KCNN2: variants seen among roughly 807,000 people sequenced by gnomAD.
KCNN2 encodes the protein potassium calcium-activated channel subfamily N member 2, also known as small conductance calcium-activated potassium channel protein 2.
KCNN2 carries 24 observed loss-of-function variants against 55.5 expected under a neutral mutation model. The ratio of observed to expected loss-of-function variants is 0.43; its 90% CI spans 0.31 to 0.61. KCNN2 has a LOEUF of 0.61. Among genes scored for constraint, KCNN2 ranks in the 20% least tolerant of loss-of-function variants. The pLI is 0.08. For missense variants in KCNN2, 754 were observed against 853.6 expected (o/e 0.88, Z 1.45); for synonymous variants, 431 against 336.1 (o/e 1.28, Z -3.09).
intron 2 of KCNN2, among the ~76,000 whole-genome samples, chr5:114,393,196 A>G (rs1277528279): frequency 6.6e-6 from 1 of 152,188 alleles, no homozygotes; most frequent in African/African-American, 2.4e-5. Context: ...AGAACCTTAC[A>G]AATAGAAGCA....
At chr5:114,281,993 A>G (rs972514802) in intron 2 of KCNN2, among the ~76,000 whole-genome samples, 1 of 151,940 alleles carries the variant, frequency 6.6e-6, no homozygotes, top group African/African-American at 2.4e-5. Flanking sequence ...TATAATTTTC[A>G]TTCTCATTTT....
chr5:114,317,625 T>A (rs755137058), intron 2 of KCNN2, among the ~76,000 whole-genome samples: 7 of 152,198 alleles, frequency 4.6e-5, no homozygotes, highest in Non-Finnish European at 7.3e-5. Flanking sequence ...CTCATGGTGG[T>A]GTTGACCATT....
intron 3 of KCNN2, among the ~76,000 whole-genome samples, chr5:114,425,755 C>T (rs1206880604): frequency 1.3e-5 from 2 of 152,146 alleles, no homozygotes; most frequent in East Asian, 3.9e-4. Flanking sequence ...TCCAAGTCAC[C>T]ACCATTCTCA....
chr5:114,496,042 C>T lies in KCNN2; in HGVS notation c.2236C>T (p.Gln746Ter). Residue 746 changes from glutamine to a stop codon, truncating the protein, a stop_gained, in exon 8 of 8, where the codon CAG (glutamine) becomes TAG (stop). Coordinates refer to ENST00000673685, the MANE Select transcript of KCNN2 (RefSeq NM_021614.4). LOFTEE classifies it high-confidence loss of function. ...LPGLISQTIR[Q>*]QQRDFIEAQM... ...TGGGCTCATAAGCCAGACCATCAGGCAGCAGCAGAGAGATTTCATTGAGGC... is the reference window on the plus strand; with the variant it reads ...TGGGCTCATAAGCCAGACCATCAGGTAGCAGCAGAGAGATTTCATTGAGGC... The T allele has an allele frequency of 6.2e-7, 1 of 1,614,080 alleles. No individual in the cohort carries two copies. Among genetic ancestry groups the T allele is most frequent in the East Asian group, 2.2e-5 (1 of 44,852 alleles).
chr5:114,437,232 A>G (rs1401014322), intron 3 of KCNN2, among the ~76,000 whole-genome samples: 1 of 152,222 alleles, frequency 6.6e-6, no homozygotes, highest in Admixed American at 6.5e-5. Flanking sequence ...TTTGGTACAC[A>G]GAATTAAATG....
chr5:114,072,676 G>A (rs2632141), intron 1 of KCNN2, among the ~76,000 whole-genome samples: 6,417 of 152,216 alleles, frequency 0.042, 450 homozygotes, highest in African/African-American at 0.15. Context: ...AATGCACAGT[G>A]ATAAAGCACA....
intron 2 of KCNN2, among the ~76,000 whole-genome samples, chr5:114,281,691 C>T (rs913741382): frequency 1.6e-4 from 16 of 100,628 alleles, no homozygotes; most frequent in Non-Finnish European, 3.2e-4. Context: ...TCAGATTTTG[C>T]AGCAAAGGTA....
At chr5:114,410,038 A>C (rs1378736160) in intron 3 of KCNN2, among the ~76,000 whole-genome samples, 1 of 152,198 alleles carries the variant, frequency 6.6e-6, no homozygotes, top group Non-Finnish European at 1.5e-5. Flanking sequence ...GGTAGGCATC[A>C]GTTCTAGGAA....
rs955620139 is a variant in KCNN2, at chr5:114,130,244, A to C, written c.-271+73744A>C. 2.6e-4 allele frequency among the ~76,000 whole-genome samples: 40 copies of C among 152,200 alleles called. 2 individuals carry two copies. The highest frequency in any genetic ancestry group is 9.4e-4 in the African/African-American group (39 of 41,522). On this transcript the variant is annotated intron_variant, in intron 1 of 10. Coordinates refer to the KCNN2 transcript ENST00000512097. ...TCTATTTCTTTCTGCTTTTCAGTTT[A>C]TATATCCTTGGTTAGATATAGATCT...
chr5:114,477,629 AC>A (rs1291015629), intron 5 of KCNN2, among the ~76,000 whole-genome samples: 1 of 152,146 alleles, frequency 6.6e-6, no homozygotes, highest in East Asian at 1.9e-4. Context: ...ACAGTTTATC[AC>A]CTTACAGGGG....
At position 114,141,957 on chromosome 5, in the gene KCNN2, T is replaced by C. The variant is rs572598950; in HGVS notation, c.-270-79523T>C. 1.2e-3 allele frequency among the ~76,000 whole-genome samples: 181 copies of C among 152,338 alleles called. 1 individual carries two copies. Among genetic ancestry groups the C allele is most frequent in the Middle Eastern group, 0.01 (3 of 294 alleles). ...TTGAGAAGTGTCTGTTCATATCCTT[T>C]GCCCACTTTTTGATGGGGTTGTTTG... On this transcript the variant is annotated intron_variant, in intron 1 of 10. Coordinates refer to the KCNN2 transcript ENST00000512097.
intron 2 of KCNN2, among the ~76,000 whole-genome samples, chr5:114,284,608 C>T (rs1307017912): frequency 6.6e-6 from 1 of 152,092 alleles, no homozygotes; most frequent in Non-Finnish European, 1.5e-5. Flanking sequence ...ATCTTTGACT[C>T]CGTGGTTCAA....
At chr5:114,253,385 A>T (rs989544707) in intron 2 of KCNN2, 1 of 152,200 alleles carries the variant, frequency 6.6e-6, no homozygotes, top group Non-Finnish European at 1.5e-5. Context: ...AGAAGCAGAG[A>T]AAAGTAAAAC....
chr5:114,108,054 A>T (rs561141878), intron 1 of KCNN2, among the ~76,000 whole-genome samples: 1 of 152,028 alleles, frequency 6.6e-6, no homozygotes, highest in South Asian at 2.1e-4. Flanking sequence ...ATTTTATGTT[A>T]TCTAAAAATA....
At chr5:114,340,589 T>C (rs1265273599) in intron 2 of KCNN2, among the ~76,000 whole-genome samples, 4 of 152,176 alleles carry the variant, frequency 2.6e-5, no homozygotes, top group African/African-American at 9.7e-5. Context: ...TTGACATATG[T>C]ATACATTGTG....
At chr5:114,279,304 C>CTT (rs546413409) in intron 2 of KCNN2, among the ~76,000 whole-genome samples, 1 of 148,362 alleles carries the variant, frequency 6.7e-6, no homozygotes, top group African/African-American at 2.5e-5. Flanking sequence ...ACTGTAATTT[C>CTT]TTTTTTTTTT....
At chr5:114,195,779 C>A (rs1297012594) in intron 1 of KCNN2, among the ~76,000 whole-genome samples, 1 of 151,924 alleles carries the variant, frequency 6.6e-6, no homozygotes, top group East Asian at 1.9e-4. Flanking sequence ...AGACAAGCAA[C>A]CATTCATTAA....
intron 2 of KCNN2, among the ~76,000 whole-genome samples, chr5:114,391,730 T>G (rs1043187221): frequency 6.6e-6 from 1 of 152,238 alleles, no homozygotes; most frequent in African/African-American, 2.4e-5. Context: ...AATCTTTACA[T>G]AGCACATTAA....
At chr5:114,234,877 G>T (rs62382886) in intron 2 of KCNN2, among the ~76,000 whole-genome samples, 1 of 152,046 alleles carries the variant, frequency 6.6e-6, no homozygotes, top group African/African-American at 2.4e-5. Flanking sequence ...TCTTCATTTG[G>T]TTAAGCAAGT....
Sources: allele counts gnomAD v4.1 joint callset (sites outside exome capture counted in the v4.1 genomes callset), GRCh38; gene constraint gnomAD v4.1.1; transcripts MANE v1.5; gene names NCBI Gene and HGNC (gene_info 2026-07-23, HGNC 2026-07-21).